ARK2C: variants seen among roughly 807,000 people sequenced by gnomAD.
ARK2C encodes the protein E3 ubiquitin-protein ligase ARK2C.
At chr18:46,349,417 T>A in the ARK2C span, among the ~76,000 whole-genome samples, 1 of 152,214 alleles carries the variant, frequency 6.6e-6, no homozygotes, top group Non-Finnish European at 1.5e-5. Flanking sequence ...AGCGCTTCAC[T>A]CTTGGAATCG....
At chr18:46,351,343 G>T in the ARK2C span, among the ~76,000 whole-genome samples, 1 of 152,340 alleles carries the variant, frequency 6.6e-6, no homozygotes, top group Non-Finnish European at 1.5e-5. Context: ...GGCTGGAGCA[G>T]TTCCCTCCAG....
At chr18:46,413,414 G>A in the ARK2C span, among the ~76,000 whole-genome samples, 1 of 152,094 alleles carries the variant, frequency 6.6e-6, no homozygotes, top group Non-Finnish European at 1.5e-5. Flanking sequence ...TTTATAGTCA[G>A]TTCTGAGTGG....
the ARK2C span, among the ~76,000 whole-genome samples, chr18:46,382,636 C>T: frequency 3.3e-5 from 5 of 152,212 alleles, no homozygotes; most frequent in South Asian, 4.1e-4. Context: ...TTTTCCCAAC[C>T]ATCCTCTGTC....
the ARK2C span, among the ~76,000 whole-genome samples, chr18:46,377,468 G>T: frequency 6.6e-6 from 1 of 152,188 alleles, no homozygotes; most frequent in Non-Finnish European, 1.5e-5. Context: ...CCACAGGAAG[G>T]TGCTTCATAG....
chr18:46,418,030 T>C, the ARK2C span, among the ~76,000 whole-genome samples: 1 of 151,534 alleles, frequency 6.6e-6, no homozygotes, highest in Admixed American at 6.6e-5. Flanking sequence ...AAGACACATA[T>C]ATAATTTATT....
At chr18:46,417,539 C>T in the ARK2C span, among the ~76,000 whole-genome samples, 1 of 152,264 alleles carries the variant, frequency 6.6e-6, no homozygotes, top group African/African-American at 2.4e-5. Context: ...CAGCTCTTTA[C>T]ACAATAGTTA....
the ARK2C span, chr18:46,334,812 A>ATTTC: frequency 0.71 from 163,079 of 229,856 alleles, 60,380 homozygotes; most frequent in East Asian, 0.87. This position sits in a 1 kb window ranked among gnomAD's most constrained non-coding sequence, Gnocchi z 4.4. Flanking sequence ...TGTGTTTTGT[A>ATTTC]TTCATTTTTT....
At chr18:46,455,772 T>A in the ARK2C span, among the ~76,000 whole-genome samples, 4 of 151,982 alleles carry the variant, frequency 2.6e-5, no homozygotes, top group African/African-American at 9.7e-5. Flanking sequence ...GAGGTGGAAG[T>A]TGCAGTGAGC....
At chr18:46,424,434 G>A in the ARK2C span, among the ~76,000 whole-genome samples, 1 of 152,186 alleles carries the variant, frequency 6.6e-6, no homozygotes, top group African/African-American at 2.4e-5. Flanking sequence ...CATTTATTTG[G>A]AAGAGGGATT....
At chr18:46,395,820 A>G in the ARK2C span, among the ~76,000 whole-genome samples, 1 of 152,214 alleles carries the variant, frequency 6.6e-6, no homozygotes, top group Non-Finnish European at 1.5e-5. Flanking sequence ...TTCTGGGGCC[A>G]GGTGGTGATG....
At chr18:46,354,381 C>T in the ARK2C span, among the ~76,000 whole-genome samples, 1 of 152,218 alleles carries the variant, frequency 6.6e-6, no homozygotes, top group Non-Finnish European at 1.5e-5. Flanking sequence ...AGGGCCCATG[C>T]ACACACTCAG....
the ARK2C span, chr18:46,456,911 C>G: frequency 6.8e-6 from 3 of 440,674 alleles, no homozygotes; most frequent in Admixed American, 7.0e-5. Flanking sequence ...AGGAGGGGCC[C>G]AGGCTGCGGA....
At chr18:46,457,746 A>G in the ARK2C span, 3 of 152,728 alleles carry the variant, frequency 2.0e-5, no homozygotes, top group South Asian at 2.1e-4. Context: ...CAGATGATGC[A>G]GATAAGACAG....
the ARK2C span, chr18:46,462,137 G>A: frequency 1.6e-4 from 24 of 152,492 alleles, no homozygotes; most frequent in African/African-American, 5.8e-4. Flanking sequence ...CGGAGGACCG[G>A]GAGTGGGCCT....
chr18:46,435,191 GTGGGGCACCCTCAGGCTGCCCC>G, the ARK2C span: 1 of 967,706 alleles, frequency 1.0e-6, no homozygotes, highest in Non-Finnish European at 1.6e-6. Context: ...GGCTGCAAGA[GTGGGGCACCCTCAGGCTGCCCC>G]GGTTTCTCAG....
the ARK2C span, among the ~76,000 whole-genome samples, chr18:46,367,617 A>T: frequency 4.6e-5 from 7 of 152,148 alleles, no homozygotes; most frequent in Non-Finnish European, 1.0e-4. Context: ...TTGGGTCTTA[A>T]AACCCACATT....
chr18:46,344,365 C>T, the ARK2C span, among the ~76,000 whole-genome samples: 2 of 151,318 alleles, frequency 1.3e-5, no homozygotes, highest in Non-Finnish European at 3.0e-5. Context: ...CTTCTCCCCC[C>T]GCCCCCAGCT....
chr18:46,456,805 G>T, the ARK2C span: 1 of 610,434 alleles, frequency 1.6e-6, no homozygotes, highest in Non-Finnish European at 3.0e-6. Flanking sequence ...AGAGGAGGGG[G>T]TTGGGGAGGA....
the ARK2C span, among the ~76,000 whole-genome samples, chr18:46,394,095 C>G: frequency 6.6e-6 from 1 of 152,210 alleles, no homozygotes; most frequent in Non-Finnish European, 1.5e-5. Context: ...ACACCAGACT[C>G]TAATTTCCTC....
Sources: allele counts gnomAD v4.1 joint callset (sites outside exome capture counted in the v4.1 genomes callset), GRCh38; gene constraint gnomAD v4.1.1; non-coding constraint Gnocchi (gnomAD v3.1); transcripts MANE v1.5; gene names NCBI Gene and HGNC (gene_info 2026-07-23, HGNC 2026-07-21).